Variants in TBCD observed in about 807,000 individuals in gnomAD.
TBCD encodes tubulin-specific chaperone D.
Under a neutral mutation model 169.3 loss-of-function variants are expected in TBCD, and 105 were observed. The ratio of observed to expected loss-of-function variants is 0.62; its 90% CI spans 0.53 to 0.73. TBCD has a LOEUF of 0.73. Ranked by LOEUF, TBCD falls within the 30% of genes least tolerant of loss-of-function variation. The pLI is 0.00. For synonymous variants in TBCD, 700 were observed against 643.9 expected (o/e 1.09, Z -1.32); for missense variants, 1,444 against 1,600.1 (o/e 0.90, Z 1.66).
chr17:82,766,292 G>GT lies in TBCD; in HGVS notation c.362dup (p.Leu121PhefsTer5). 1 of 1,612,502 alleles carries GT rather than the reference G, an allele frequency of 6.2e-7. No homozygotes were observed. Among genetic ancestry groups the GT allele is most frequent in the Non-Finnish European group, 8.5e-7 (1 of 1,179,252 alleles). On this transcript the variant is annotated frameshift_variant, in exon 4 of 39. Transcript: ENST00000355528. LOFTEE classifies it high-confidence loss of function. ...GTTCGAGGCTATAAAACATTTCTTC[G>GT]TTTATTTCCTCATGAAGTTGCCGAT...
rs755160154 is a variant in TBCD at position 82,929,099 on chromosome 17, C to T, written c.2694-14C>T. The T allele has an allele frequency of 1.9e-6, 3 of 1,603,338 alleles. No homozygotes were observed. Among genetic ancestry groups the T allele is most frequent in the South Asian group, 2.2e-5 (2 of 90,954 alleles). On this transcript the variant is annotated splice_polypyrimidine_tract_variant and intron_variant, in intron 30 of 38. Coordinates refer to ENST00000355528, the MANE Select transcript of TBCD (RefSeq NM_005993.5). ...CCGCCCGCCCTTGGTTTACCTCCTG[C>T]TCTCGGTTTGCAGCTGTGAGCGCAT... is the stretch of plus-strand genomic sequence containing the variant.
chr17:82,815,082 C>T, intron 13 of TBCD, 148 bp downstream of exon 13: 2 of 1,342,180 alleles, frequency 1.5e-6, no homozygotes, highest in Non-Finnish European at 2.0e-6. Context: ...AGGCTGCAGC[C>T]CTTCGTCTGA....
At chr17:82,912,740 C>A (rs907720475) in intron 23 of TBCD, among the ~76,000 whole-genome samples, 3 of 152,250 alleles carry the variant, frequency 2.0e-5, no homozygotes, top group African/African-American at 7.2e-5. Flanking sequence ...GCTTTCTGTC[C>A]ACACCTCCCA....
At chr17:82,893,831 T>C (rs2059304177) in intron 17 of TBCD, among the ~76,000 whole-genome samples, 199 bp downstream of exon 17, 3 of 152,246 alleles carry the variant, frequency 2.0e-5, no homozygotes. Flanking sequence ...CCTCATGCTT[T>C]ACTACGCTAG....
At chr17:82,905,286 C>G (rs1371294381) in intron 19 of TBCD, among the ~76,000 whole-genome samples, 1 of 152,248 alleles carries the variant, frequency 6.6e-6, no homozygotes, top group Non-Finnish European at 1.5e-5. Context: ...TCCATGCTCC[C>G]TCTCCTGTCT....
At chr17:82,928,898 A>G (rs1262821838) in intron 30 of TBCD, among the ~76,000 whole-genome samples, 1 of 152,114 alleles carries the variant, frequency 6.6e-6, no homozygotes, top group Non-Finnish European at 1.5e-5. Context: ...GCGCACCTGT[A>G]GGGTTGGGCT....
At chr17:82,868,155 G>T (rs975668095) in intron 13 of TBCD, among the ~76,000 whole-genome samples, 8 of 152,214 alleles carry the variant, frequency 5.3e-5, no homozygotes, top group African/African-American at 1.7e-4. Context: ...GCGGTGTCTG[G>T]ATGTGGAGGA....
At chr17:82,802,143 C>G (rs1370986071) in intron 9 of TBCD, among the ~76,000 whole-genome samples, 1 of 90,344 alleles carries the variant, frequency 1.1e-5, no homozygotes, top group African/African-American at 4.0e-5. Context: ...AGTGAAACCG[C>G]CTTTCTTGCT....
chr17:82,763,006 C>T (rs1003469909), intron 2 of TBCD, among the ~76,000 whole-genome samples: 4 of 152,114 alleles, frequency 2.6e-5, no homozygotes, highest in Non-Finnish European at 4.4e-5. Flanking sequence ...TTGAACATTC[C>T]GCGTGCACTT....
rs117679462 is a variant in TBCD at position 82,853,940 on chromosome 17, A to G, written c.1319-16284A>G. Among the ~76,000 whole-genome samples, 248 of 151,818 alleles carry G rather than the reference A, an allele frequency of 1.6e-3. 1 individual carries two copies. The highest frequency in any genetic ancestry group is 2.7e-3 in the Admixed American group (41 of 15,244). The stretch of plus-strand genomic sequence containing the variant: ...AGTTGTGGTTCCTATTGGGCCCCCA[A>G]CCCAGTCCCATTCCACATCTTCTTC... On this transcript the variant is annotated intron_variant, in intron 13 of 38. Transcript: ENST00000355528.
chr17:82,941,772 G>C lies in TBCD; in HGVS notation c.3564+289G>C, dbSNP rs2063302454. ...TCCAGGCTCCTCATGCCTGGCCCTG[G>C]GGTCTGTTTGTGCTCCAAGTGCCAA... On this transcript the variant is annotated intron_variant, in intron 38 of 38. Coordinates refer to ENST00000355528, the MANE Select transcript of TBCD (RefSeq NM_005993.5). 7 of 463,498 alleles carry C rather than the reference G, an allele frequency of 1.5e-5. No homozygotes were observed. In the South Asian group the frequency reaches 2.3e-4, roughly 15 times the overall value. 28.7% of individuals were successfully genotyped at this position (463,498 alleles called of 1,614,324 possible).
At chr17:82,815,542 G>A (rs1429721347) in intron 13 of TBCD, among the ~76,000 whole-genome samples, 1 of 152,376 alleles carries the variant, frequency 6.6e-6, no homozygotes, top group Admixed American at 6.5e-5. Flanking sequence ...AGATGCAGGG[G>A]CACTGCCCCA....
chr17:82,764,313 T>C (rs2047915752), intron 3 of TBCD, among the ~76,000 whole-genome samples: 2 of 152,090 alleles, frequency 1.3e-5, no homozygotes, highest in South Asian at 4.1e-4. Flanking sequence ...AGGAAGGGAA[T>C]GGGGTGGAGA....
intron 15 of TBCD, among the ~76,000 whole-genome samples, chr17:82,888,503 A>T (rs1418753868): frequency 1.3e-5 from 2 of 152,084 alleles, no homozygotes; most frequent in Admixed American, 6.5e-5. Context: ...TTTGTTTCTT[A>T]CTTTCCTAAT....
intron 13 of TBCD, among the ~76,000 whole-genome samples, chr17:82,837,421 A>G (rs1233646953): frequency 1.3e-5 from 2 of 152,208 alleles, no homozygotes; most frequent in Non-Finnish European, 2.9e-5. Flanking sequence ...AGCTGTTTAC[A>G]GTAATTTGGA....
In TBCD at chr17:82,864,474, C is replaced by G. The variant is rs2057011087; in HGVS notation, c.1319-5750C>G. 6.6e-6 allele frequency: 1 copy of G among 152,196 alleles called. No individual in the cohort carries two copies. The highest frequency in any genetic ancestry group is 2.4e-5 in the African/African-American group (1 of 41,428). 9.4% of individuals were successfully genotyped at this position (152,196 alleles called of 1,614,324 possible). On this transcript the variant is annotated intron_variant, in intron 13 of 38. Transcript: ENST00000355528. The surrounding 1 kb of genome is among the most constrained non-coding windows in gnomAD (Gnocchi z 6.3). ...CAGTTGGGTGACCCGGGCTCTGTGT[C>G]TTCGTGTTGGCCAGGGTGTGTCATA...
At chr17:82,872,080 C>A (rs1325795787) in intron 14 of TBCD, among the ~76,000 whole-genome samples, 1 of 152,196 alleles carries the variant, frequency 6.6e-6, no homozygotes, top group Non-Finnish European at 1.5e-5. Context: ...CGGTTACTTC[C>A]CTGGGTGTGC....
At chr17:82,783,638 C>T (rs1307085104) in intron 7 of TBCD, among the ~76,000 whole-genome samples, 1 of 152,164 alleles carries the variant, frequency 6.6e-6, no homozygotes, top group Non-Finnish European at 1.5e-5. Context: ...TCACTGAGCC[C>T]GATGTGTCCA....
At chr17:82,845,474 C>T (rs1249980204) in intron 13 of TBCD, among the ~76,000 whole-genome samples, 3 of 131,522 alleles carry the variant, frequency 2.3e-5, no homozygotes, top group Non-Finnish European at 5.2e-5. Context: ...CGGCCCCTTC[C>T]TCTCCGTCTG....
Sources: allele counts gnomAD v4.1 joint callset (sites outside exome capture counted in the v4.1 genomes callset), GRCh38; gene constraint gnomAD v4.1.1; non-coding constraint Gnocchi (gnomAD v3.1); transcripts MANE v1.5; gene names NCBI Gene and HGNC (gene_info 2026-07-23, HGNC 2026-07-21).